Variants in PDGFA observed in about 807,000 individuals in gnomAD.
The protein encoded by PDGFA is platelet derived growth factor subunit A, also known as platelet-derived growth factor subunit A.
PDGFA carries 9 observed loss-of-function variants against 25.6 expected under a neutral mutation model. The ratio of observed to expected loss-of-function variants is 0.35; its 90% confidence interval spans 0.21 to 0.61. The LOEUF (loss-of-function observed/expected upper bound fraction) is 0.61. PDGFA is among the 20% of genes least tolerant of loss of function. PDGFA has a pLI of 0.75. For missense variants in PDGFA, 242 were observed against 272.8 expected (o/e 0.89, Z 0.79); for synonymous variants, 133 against 111.8 (o/e 1.19, Z -1.20).
chr7:498,241 G>A (rs1189136663), exon 6 of PDGFA: 5 of 382,858 alleles, frequency 1.3e-5, no homozygotes, highest in South Asian at 1.0e-4. Context: ...CCCACGGGGC[G>A]ACCCTCCATC....
chr7:508,175 CCCTCCGGGG>C (rs1262529613), intron 4 of PDGFA, among the ~76,000 whole-genome samples: 2 of 152,162 alleles, frequency 1.3e-5, no homozygotes, highest in Non-Finnish European at 2.9e-5. Context: ...CGCCCCATCT[CCCTCCGGGG>C]CCTAGGAGTC....
Position 500,414 on chromosome 7 carries a change from C to G in PDGFA, c.580+702G>C, listed in dbSNP as rs1782275530. 1 of 1,613,678 alleles carries G rather than the reference C, an allele frequency of 6.2e-7. No homozygotes were observed. Among genetic ancestry groups the G allele is most frequent in the Non-Finnish European group, 8.5e-7 (1 of 1,179,606 alleles). ...CCCCGCCCTGCAGGACTCAGTGTGTCCGGCAGACAGTCCTACCTGGTTGGC... is the reference window on the plus strand; with the variant it reads ...CCCCGCCCTGCAGGACTCAGTGTGTGCGGCAGACAGTCCTACCTGGTTGGC... On this transcript the variant is annotated intron_variant, in intron 5 of 5. Transcript: ENST00000402802. This position sits in a 1 kb window ranked among gnomAD's most constrained non-coding sequence, Gnocchi z 5.0.
chr7:505,944 C>T (rs528011773), intron 4 of PDGFA, among the ~76,000 whole-genome samples: 8 of 152,198 alleles, frequency 5.3e-5, no homozygotes, highest in South Asian at 4.2e-4. Context: ...GAGGTCGAGG[C>T]GGGCAGATCA....
In PDGFA at chr7:517,103, G is replaced by C. The variant is rs1440789540; in HGVS notation, c.160+291C>G. ...TCCCCCGGCCCGAGGGCAGGCGCGG[G>C]GCCCGCACACCTGGCGGAGGCCGCG... On this transcript the variant is annotated intron_variant, in intron 2 of 5. Coordinates refer to ENST00000402802, the Ensembl canonical transcript of PDGFA. The surrounding 1 kb of genome is among the most constrained non-coding windows in gnomAD (Gnocchi z 7.4). Among the ~76,000 whole-genome samples the C allele has an allele frequency of 2.0e-5, 3 of 151,638 alleles. No homozygotes were observed. The highest frequency in any genetic ancestry group is 2.4e-5 in the African/African-American group (1 of 41,496).
intron 2 of PDGFA, chr7:512,741 G>C: frequency 8.6e-7 from 1 of 1,165,870 alleles, no homozygotes; most frequent in Non-Finnish European, 1.1e-6. Flanking sequence ...AGGGCCCTTC[G>C]GGGAAGAGGT....
At chr7:519,185 G>A (rs1039657998) in exon 1 of PDGFA, 7 of 398,280 alleles carry the variant, frequency 1.8e-5, no homozygotes, top group Admixed American at 1.4e-4. Flanking sequence ...GGAGAGGCAG[G>A]CAGCGCCAGC....
At chr7:512,441 A>G (rs780074928) in exon 3 of PDGFA, 2 of 1,613,690 alleles carry the variant, frequency 1.2e-6, no homozygotes, top group South Asian at 1.1e-5. Flanking sequence ...CTGGTGTCCA[A>G]AGAATCCTCA....
intron 4 of PDGFA, among the ~76,000 whole-genome samples, chr7:505,089 C>T (rs1281812917): frequency 6.6e-6 from 1 of 152,214 alleles, no homozygotes; most frequent in East Asian, 1.9e-4. Flanking sequence ...CTCTGTCTGG[C>T]CAGGAAATAG....
At position 508,559 on chromosome 7, in the gene PDGFA, CAAAAAAAAAAAAA is replaced by C. The variant is rs766165770; in HGVS notation, c.453+2237_453+2249del. Among the ~76,000 whole-genome samples, 19 of 35,672 alleles carry C rather than the reference CAAAAAAAAAAAAA, an allele frequency of 5.3e-4. 1 individual carries two copies. The South Asian group carries it at 0.014, about 26-fold the overall frequency. 23.4% of individuals were successfully genotyped at this position (35,672 alleles called of 152,430 possible). On this transcript the variant is annotated intron_variant, in intron 4 of 5. Transcript: ENST00000402802. ...TGGGCAACAGAGCAAGAAGCTGTCC[CAAAAAAAAAAAAA>C]AAAAAAAAAAAAAAAATTCTCAGCT...
intron 4 of PDGFA, among the ~76,000 whole-genome samples, chr7:506,119 T>G (rs1583145069): frequency 7.0e-6 from 1 of 142,866 alleles, no homozygotes; most frequent in South Asian, 2.2e-4. Context: ...GAGGTTGCAG[T>G]GAGCTGATAT....
chr7:504,902 C>T (rs1490025971), intron 4 of PDGFA, among the ~76,000 whole-genome samples: 1 of 152,192 alleles, frequency 6.6e-6, no homozygotes. Context: ...GGCGCGTGGG[C>T]TCCCAGGACA....
chr7:520,670 G>C (rs1346100433), upstream of PDGFA: 4 of 152,300 alleles, frequency 2.6e-5, no homozygotes, highest in Non-Finnish European at 5.9e-5. Flanking sequence ...GGGATCCGTG[G>C]GGCGCACAGA....
intron 4 of PDGFA, among the ~76,000 whole-genome samples, chr7:509,222 A>G (rs1055745585): frequency 1.3e-5 from 2 of 152,256 alleles, no homozygotes; most frequent in African/African-American, 4.8e-5. Context: ...CAGGATTCTT[A>G]CGCTGAAATC....
intron 1 of PDGFA, 136 bp downstream of exon 1, chr7:518,803 C>G (rs1583162810): frequency 3.7e-6 from 2 of 542,378 alleles, no homozygotes; most frequent in East Asian, 6.7e-5. Flanking sequence ...AAAATAGAAC[C>G]CAGTTGGGAA....
exon 1 of PDGFA, chr7:519,156 C>G: frequency 3.9e-6 from 2 of 512,718 alleles, no homozygotes; most frequent in Non-Finnish European, 6.8e-6. Context: ...GGAGCGCGCC[C>G]GGCGCGAGCA....
chr7:508,559 C>CAGAAAAAAA (rs1782665278), intron 4 of PDGFA, among the ~76,000 whole-genome samples: 9 of 35,664 alleles, frequency 2.5e-4, no homozygotes, highest in Non-Finnish European at 4.9e-5. Context: ...GAAGCTGTCC[C>CAGAAAAAAA]AAAAAAAAAA....
chr7:500,550 G>A lies in PDGFA; in HGVS notation c.580+566C>T, dbSNP rs780245413. The A allele has an allele frequency of 2.5e-6, 4 of 1,612,846 alleles. No individual in the cohort carries two copies. The highest frequency in any genetic ancestry group is 1.1e-5 in the South Asian group (1 of 91,022). On this transcript the variant is annotated intron_variant, in intron 5 of 5. Coordinates refer to ENST00000402802, the Ensembl canonical transcript of PDGFA. This position sits in a 1 kb window ranked among gnomAD's most constrained non-coding sequence, Gnocchi z 5.0. ...AGTGGGCCGAGGGACGGCCGTCGGG[G>A]TGAAGAACTGAAGCAACAAATACCT... is the stretch of plus-strand genomic sequence containing the variant.
At chr7:518,698 G>C (rs67195729) in intron 1 of PDGFA, among the ~76,000 whole-genome samples, 152,203 of 152,204 alleles carry the variant, frequency 1, 76,101 homozygotes, top group Non-Finnish European at 1. Context: ...CGAAGTTTCT[G>C]CCCACTCGTC....
rs181362666 is a variant in PDGFA, at chr7:500,771, C to T, written c.580+345G>A. The T allele has an allele frequency of 8.1e-5, 116 of 1,440,966 alleles. No individual in the cohort carries two copies. In the East Asian group the frequency reaches 1.8e-3, roughly 22 times the overall value. The allele number at this position is 1,440,966 out of a possible 1,614,324, so 89.3% of individuals were successfully genotyped here. A position where few individuals can be genotyped will look rare whatever the true frequency, so the allele number is the denominator to read the frequency against. On this transcript the variant is annotated intron_variant, in intron 5 of 5. Coordinates refer to ENST00000402802, the Ensembl canonical transcript of PDGFA. This position sits in a 1 kb window ranked among gnomAD's most constrained non-coding sequence, Gnocchi z 5.0. Reference sequence around the variant, plus strand: ...CTGCAGTCCTCGAACCTGCTCCTCCCGCCCACCCTGGCAGGAGGCCCTTCT... The same window carrying T: ...CTGCAGTCCTCGAACCTGCTCCTCCTGCCCACCCTGGCAGGAGGCCCTTCT...
Sources: gnomAD v4.1 joint callset for allele counts (sites outside exome capture counted in the v4.1 genomes callset) on GRCh38, gnomAD v4.1.1 for gene constraint, Gnocchi (gnomAD v3.1) non-coding constraint, MANE v1.5 for transcripts, NCBI Gene and HGNC (gene_info 2026-07-23, HGNC 2026-07-21) for gene names.